The following TJP1 variants were observed in gnomAD, a reference collection of about 807,000 sequenced individuals.
TJP1 encodes the protein tight junction protein ZO-1.
In TJP1, 43 loss-of-function variants were observed where a neutral mutation model predicts 194.2. The observed-to-expected ratio is 0.22, with a 90% CI of 0.17 to 0.29. TJP1 has a LOEUF of 0.29. TJP1 is among the 10% of genes least tolerant of loss of function. The pLI is 1.00. For missense variants in TJP1, 1,971 were observed against 2,185.7 expected (o/e 0.90, Z 1.96); for synonymous variants, 801 against 779.0 (o/e 1.03, Z -0.47).
intron 2 of TJP1, among the ~76,000 whole-genome samples, chr15:29,908,105 T>C (rs1258279517): frequency 4.8e-5 from 2 of 42,018 alleles, no homozygotes; most frequent in Non-Finnish European, 1.0e-4. Flanking sequence ...GAAGGAAAGA[T>C]AAAGAGGGAG....
At chr15:29,873,824 C>G (rs1012045184) in intron 2 of TJP1, among the ~76,000 whole-genome samples, 4 of 152,112 alleles carry the variant, frequency 2.6e-5, no homozygotes, top group African/African-American at 9.7e-5. Context: ...TCAACACGAA[C>G]AGGTATTTCT....
chr15:29,958,141 A>C (rs2056015353), intron 1 of TJP1, among the ~76,000 whole-genome samples: 1 of 152,174 alleles, frequency 6.6e-6, no homozygotes, highest in Non-Finnish European at 1.5e-5. Context: ...TTAATCTTTT[A>C]TCATATAAAA....
intron 2 of TJP1, among the ~76,000 whole-genome samples, chr15:29,943,606 T>C (rs566036911): frequency 5.3e-5 from 6 of 114,284 alleles, no homozygotes; most frequent in African/African-American, 1.8e-4. Flanking sequence ...CAGCCCAGGC[T>C]GACAACAGTG....
intron 2 of TJP1, among the ~76,000 whole-genome samples, chr15:29,796,647 T>C (rs1595923232): frequency 6.6e-6 from 1 of 152,234 alleles, no homozygotes; most frequent in East Asian, 1.9e-4. Context: ...TTATTTTCTT[T>C]GAGGGAAGGA....
At chr15:29,838,992 C>CTTTTTTTTT (rs760557407) in intron 2 of TJP1, among the ~76,000 whole-genome samples, 3 of 83,462 alleles carry the variant, frequency 3.6e-5, no homozygotes, top group African/African-American at 5.0e-5. Flanking sequence ...AAAAATTCAC[C>CTTTTTTTTT]TTTTTTTTTT....
chr15:29,736,520 C>A (rs1050616888), intron 11 of TJP1, among the ~76,000 whole-genome samples: 12 of 152,158 alleles, frequency 7.9e-5, no homozygotes, highest in South Asian at 4.1e-4. Context: ...TGGACAGATA[C>A]CTTCTGATTA....
chr15:29,944,502 A>G (rs1192969201), intron 2 of TJP1, among the ~76,000 whole-genome samples: 1 of 152,186 alleles, frequency 6.6e-6, no homozygotes, highest in Non-Finnish European at 1.5e-5. Flanking sequence ...TATGTTTATA[A>G]ATACAGATAT....
intron 2 of TJP1, among the ~76,000 whole-genome samples, chr15:29,790,331 T>C (rs749216876): frequency 2.6e-5 from 4 of 152,242 alleles, no homozygotes; most frequent in Non-Finnish European, 5.9e-5. Context: ...AATTAAGTTA[T>C]GCTTTGGCAT....
intron 1 of TJP1, among the ~76,000 whole-genome samples, chr15:29,816,683 A>C (rs2049949092): frequency 6.6e-6 from 1 of 152,132 alleles, no homozygotes; most frequent in Non-Finnish European, 1.5e-5. Context: ...TCAAGAAACA[A>C]TCCCTATATG....
Position 29,822,406 on chromosome 15 carries a change from C to T in TJP1, c.-378G>A. On this transcript the variant is annotated 5_prime_UTR_variant, in exon 1 of 28. Transcript: ENST00000614355. ...GCTTCGCCACGTAACTTCCCGGGAA[C>T]CGGCGGCCGCCAAGGAACGCGGCGT... 1 of 995,752 alleles carries T rather than the reference C, an allele frequency of 1.0e-6. No homozygotes were observed. Among genetic ancestry groups the T allele is most frequent in the Non-Finnish European group, 1.2e-6 (1 of 836,736 alleles). The allele number at this position is 995,752 out of a possible 1,614,324, so 61.7% of individuals were successfully genotyped here. A position where few individuals can be genotyped will look rare whatever the true frequency, so the allele number is the denominator to read the frequency against.
At chr15:29,944,632 C>T (rs2055211466) in intron 2 of TJP1, among the ~76,000 whole-genome samples, 1 of 152,078 alleles carries the variant, frequency 6.6e-6, no homozygotes, top group South Asian at 2.1e-4. Flanking sequence ...TAATTTTTTC[C>T]TTCTTCAACT....
intron 2 of TJP1, among the ~76,000 whole-genome samples, chr15:29,879,597 G>A (rs184938857): frequency 4.6e-5 from 7 of 152,318 alleles, no homozygotes; most frequent in Middle Eastern, 3.4e-3. Context: ...CTACCCTAGC[G>A]ACAGCAATCC....
chr15:29,769,559 T>C (rs1258662763), intron 4 of TJP1, among the ~76,000 whole-genome samples: 1 of 152,138 alleles, frequency 6.6e-6, no homozygotes, highest in Admixed American at 6.5e-5. Context: ...GTTGGATAAA[T>C]ATATATGCAT....
rs753855914 is a variant in TJP1 at position 29,718,315 on chromosome 15, G to A, written c.3827C>T (p.Ser1276Phe). 19 of 1,614,070 alleles carry A rather than the reference G, an allele frequency of 1.2e-5. No homozygotes were observed. The Admixed American group carries it at 3.2e-4, about 27-fold the overall frequency. ...TRVKMFENKRSASLETKKDVN... is the reference protein window; with the variant it reads ...TRVKMFENKRFASLETKKDVN... The stretch of plus-strand genomic sequence containing the variant: ...ATCCTTCTTGGTCTCTAAGGATGCA[G>A]ATCTTTTGTTTTCAAACATCTTAAC... The change falls in exon 21 of 28, where the codon TCT (serine) becomes TTT (phenylalanine). Residue 1276 changes from serine (S) to phenylalanine (F), a missense_variant. Ser to Phe is a radical substitution (Grantham distance 155). Coordinates refer to ENST00000614355, the MANE Select transcript of TJP1 (RefSeq NM_001330239.4).
Position 29,833,857 on chromosome 15 carries a change from GTATATA to G in TJP1, c.307-33161_307-33156del, listed in dbSNP as rs71416436. Among the ~76,000 whole-genome samples the G allele has an allele frequency of 9.9e-3, 256 of 25,860 alleles. 8 individuals carry two copies. Among genetic ancestry groups the G allele is most frequent in the East Asian group, 0.013 (4 of 308 alleles). 17.0% of individuals were successfully genotyped at this position (25,860 alleles called of 152,430 possible). On this transcript the variant is annotated intron_variant, in intron 2 of 28. Transcript: ENST00000356107. ...TAAAGATGCAATATAATTTTTGTAA[GTATATA>G]TATATATATATATATATATTTTTTT...
In TJP1 at chr15:29,880,652, T is replaced by C. The variant is rs561072262; in HGVS notation, c.306+75580A>G. On this transcript the variant is annotated intron_variant, in intron 2 of 28. Transcript: ENST00000356107. ...CTATTGTATTCTCTGTTCTACGAGA[T>C]TGACTATATTTATAGATATCTCAAA... Among the ~76,000 whole-genome samples the C allele has an allele frequency of 1.1e-3, 172 of 152,352 alleles. 1 individual carries two copies. The highest frequency in any genetic ancestry group is 4.0e-3 in the African/African-American group (167 of 41,580).
At position 29,762,501 on chromosome 15, in the gene TJP1, A is replaced by T. The variant is rs2046069825; in HGVS notation, c.590-63T>A. On this transcript the variant is annotated intron_variant, in intron 5 of 27. Coordinates refer to ENST00000614355, the MANE Select transcript of TJP1 (RefSeq NM_001330239.4). ...CTAAGACACCTAAATAGATTTTACA[A>T]GTATACAACTAAACTAATTAACTAC... 6.6e-6 allele frequency: 8 copies of T among 1,208,968 alleles called. No homozygotes were observed. In the South Asian group the frequency reaches 9.6e-5, roughly 14 times the overall value. 74.9% of individuals were successfully genotyped at this position (1,208,968 alleles called of 1,614,324 possible).
chr15:29,788,768 G>A (rs2047875745), intron 2 of TJP1, among the ~76,000 whole-genome samples: 1 of 152,084 alleles, frequency 6.6e-6, no homozygotes, highest in Non-Finnish European at 1.5e-5. Flanking sequence ...GAGTAACGAC[G>A]AGCAACTCAT....
At chr15:29,813,310 C>T (rs1260293697) in intron 1 of TJP1, among the ~76,000 whole-genome samples, 2 of 152,138 alleles carry the variant, frequency 1.3e-5, no homozygotes, top group Non-Finnish European at 2.9e-5. Flanking sequence ...ACCTTTTGCT[C>T]AGCTGTTGGT....
Sources: gnomAD v4.1 joint callset for allele counts (sites outside exome capture counted in the v4.1 genomes callset) on GRCh38, gnomAD v4.1.1 for gene constraint, MANE v1.5 for transcripts, NCBI Gene and HGNC (gene_info 2026-07-23, HGNC 2026-07-21) for gene names.